Variants in MAN2A1 observed in about 807,000 individuals in gnomAD.
The protein encoded by MAN2A1 is alpha-mannosidase 2.
Under a neutral mutation model 142.6 loss-of-function variants are expected in MAN2A1, and 76 were observed. That is an observed-to-expected ratio of 0.53 (90% CI 0.44 to 0.65). The LOEUF is 0.65. Among genes scored for constraint, MAN2A1 ranks in the 30% least tolerant of loss-of-function variants. The pLI, the probability that MAN2A1 is intolerant of heterozygous loss-of-function variation, is 0.00. For missense variants in MAN2A1, 1,311 were observed against 1,365.1 expected (o/e 0.96, Z 0.62); for synonymous variants, 559 against 473.2 (o/e 1.18, Z -2.35).
rs184431057 is a variant in MAN2A1, at chr5:109,763,511, A to T, written c.836-4024A>T. ...TTTTTTTTATTTTTAAGTTTTTTTT[A>T]AAATTTATTTTAGTATTATTATTAT... On this transcript the variant is annotated intron_variant, in intron 5 of 21. Coordinates refer to ENST00000261483, the MANE Select transcript of MAN2A1 (RefSeq NM_002372.4). 2.5e-3 allele frequency among the ~76,000 whole-genome samples: 365 copies of T among 147,264 alleles called. 2 individuals carry two copies. The highest frequency in any genetic ancestry group is 7.9e-3 in the African/African-American group (308 of 38,974).
Position 109,867,850 on chromosome 5 carries a change from A to C in MAN2A1, c.*852A>C, listed in dbSNP as rs1755924239. On this transcript the variant is annotated 3_prime_UTR_variant, in exon 22 of 22. Transcript: ENST00000261483. ...AATAAATGTGCCTTATTTTTTTATA[A>C]GTCTTGTTAAATCAGTGTCCATATT... The C allele has an allele frequency of 6.6e-6, 1 of 152,064 alleles. No individual in the cohort carries two copies. The highest frequency in any genetic ancestry group is 2.4e-5 in the African/African-American group (1 of 41,420). 9.4% of individuals were successfully genotyped at this position (152,064 alleles called of 1,614,324 possible). A position where few individuals can be genotyped will look rare whatever the true frequency, so the allele number is the denominator to read the frequency against.
chr5:109,730,944 A>T (rs1751887608), intron 4 of MAN2A1, among the ~76,000 whole-genome samples: 1 of 152,100 alleles, frequency 6.6e-6, no homozygotes, highest in Non-Finnish European at 1.5e-5. Context: ...ATTATATTTA[A>T]ATATGCATTA....
rs1393658692 is a variant in MAN2A1, at chr5:109,845,855, T to C, written c.2701-10T>C. The C allele has an allele frequency of 1.9e-6, 3 of 1,603,370 alleles. No homozygotes were observed. The Admixed American group carries it at 5.2e-5, about 28-fold the overall frequency. ...TCACTTTTTGTAGATGGAATTGTTG[T>C]GTTTTATAGATTCAACCTAGAATGA... On this transcript the variant is annotated splice_polypyrimidine_tract_variant and intron_variant, in intron 17 of 21. Coordinates refer to ENST00000261483, the MANE Select transcript of MAN2A1 (RefSeq NM_002372.4).
At position 109,734,120 on chromosome 5, in the gene MAN2A1, T is replaced by C. The variant is rs940168763; in HGVS notation, c.707+4607T>C. ...GTGTATGTGTCCAGGAATTTATCCA[T>C]TTCTTCTAGATTTTCTAGTTTATTT... On this transcript the variant is annotated intron_variant, in intron 4 of 21. Transcript: ENST00000261483. Among the ~76,000 whole-genome samples, 722 of 152,232 alleles carry C rather than the reference T, an allele frequency of 4.7e-3. 4 individuals carry two copies. Among genetic ancestry groups the C allele is most frequent in the African/African-American group, 0.016 (677 of 41,538 alleles).
intron 4 of MAN2A1, among the ~76,000 whole-genome samples, chr5:109,751,566 G>GT (rs925178204): frequency 5.9e-4 from 85 of 144,606 alleles, no homozygotes; most frequent in Middle Eastern, 3.5e-3. Context: ...TCTATTTTTA[G>GT]TTTTTTTTTT....
intron 1 of MAN2A1, among the ~76,000 whole-genome samples, chr5:109,691,154 G>C (rs1750660144): frequency 6.6e-6 from 1 of 152,174 alleles, no homozygotes; most frequent in African/African-American, 2.4e-5. Flanking sequence ...GTGGCAGACA[G>C]GGGGAACCGA....
intron 15 of MAN2A1, among the ~76,000 whole-genome samples, chr5:109,821,813 T>G (rs1194219434): frequency 1.3e-5 from 2 of 152,132 alleles, no homozygotes; most frequent in Non-Finnish European, 2.9e-5. Flanking sequence ...TTTCCCTATA[T>G]GTTGTAAAAT....
chr5:109,736,253 T>C (rs2112596869), intron 4 of MAN2A1, among the ~76,000 whole-genome samples: 1 of 152,292 alleles, frequency 6.6e-6, no homozygotes, highest in Non-Finnish European at 1.5e-5. Context: ...TTTCTGAATC[T>C]GTAGTTTAGA....
intron 8 of MAN2A1, among the ~76,000 whole-genome samples, chr5:109,781,178 A>T (rs996250458): frequency 1.3e-5 from 2 of 152,168 alleles, no homozygotes; most frequent in Non-Finnish European, 2.9e-5. Context: ...GCTGAAGTGT[A>T]TAAGTTTTCC....
intron 10 of MAN2A1, among the ~76,000 whole-genome samples, chr5:109,787,756 G>A (rs966305585): frequency 6.6e-6 from 1 of 151,896 alleles, no homozygotes; most frequent in Non-Finnish European, 1.5e-5. Flanking sequence ...GTAGACAATA[G>A]AAAGGAACTT....
At chr5:109,799,155 T>C (rs1753946975) in intron 12 of MAN2A1, among the ~76,000 whole-genome samples, 1 of 152,218 alleles carries the variant, frequency 6.6e-6, no homozygotes, top group Admixed American at 6.5e-5. Flanking sequence ...GTTATGTGTA[T>C]GAACTTCATA....
At chr5:109,727,851 G>A (rs1751788672) in intron 3 of MAN2A1, among the ~76,000 whole-genome samples, 1 of 152,122 alleles carries the variant, frequency 6.6e-6, no homozygotes, top group Admixed American at 6.5e-5. Context: ...AGTGCTCTGG[G>A]GGCAGTGTTC....
intron 1 of MAN2A1, among the ~76,000 whole-genome samples, chr5:109,706,593 G>A (rs114673697): frequency 3.9e-5 from 6 of 152,308 alleles, no homozygotes; most frequent in African/African-American, 1.4e-4. Context: ...TAGCCATTAA[G>A]CTGAATTGCT....
chr5:109,848,742 TCTTTCTGTTAG>T (rs1224336605), intron 19 of MAN2A1, among the ~76,000 whole-genome samples: 3 of 152,182 alleles, frequency 2.0e-5, no homozygotes, highest in Non-Finnish European at 4.4e-5. Flanking sequence ...CCTGGGAGAT[TCTTTCTGTTAG>T]CTTTTGAACA....
At chr5:109,826,321 G>C (rs911822920) in intron 16 of MAN2A1, among the ~76,000 whole-genome samples, 23 of 152,110 alleles carry the variant, frequency 1.5e-4, no homozygotes, top group Admixed American at 1.4e-3. Context: ...TGCAAACTTA[G>C]AGCGCCTCAC....
chr5:109,818,774 A>G (rs1754541026), intron 13 of MAN2A1, among the ~76,000 whole-genome samples: 1 of 152,226 alleles, frequency 6.6e-6, no homozygotes, highest in Non-Finnish European at 1.5e-5. Context: ...CACATATTGG[A>G]TAAAAACATT....
At chr5:109,865,351 G>T in intron 21 of MAN2A1, 1 of 547,836 alleles carries the variant, frequency 1.8e-6, no homozygotes. Context: ...AAAAGGCATA[G>T]CTGGAATTTA....
chr5:109,775,403 T>C (rs776257684), intron 8 of MAN2A1, among the ~76,000 whole-genome samples: 48 of 152,170 alleles, frequency 3.2e-4, no homozygotes, highest in Non-Finnish European at 5.9e-4. Flanking sequence ...AAATGTCCTA[T>C]GTCCAGAGAA....
chr5:109,756,909 G>A (rs1484086068), intron 5 of MAN2A1, among the ~76,000 whole-genome samples: 4 of 152,138 alleles, frequency 2.6e-5, no homozygotes, highest in Admixed American at 1.3e-4. Context: ...TGAACAGAGG[G>A]TGCCTACATG....
Sources: gnomAD v4.1 joint callset for allele counts (sites outside exome capture counted in the v4.1 genomes callset) on GRCh38, gnomAD v4.1.1 for gene constraint, MANE v1.5 for transcripts, NCBI Gene and HGNC (gene_info 2026-07-23, HGNC 2026-07-21) for gene names.